The following CDH4 variants were observed in gnomAD, a reference collection of about 807,000 sequenced individuals.
CDH4 encodes the protein cadherin-4.
In CDH4, 33 loss-of-function variants were observed where a neutral mutation model predicts 86.0. The observed-to-expected ratio is 0.38, with a 90% CI of 0.29 to 0.51. The LOEUF (loss-of-function observed/expected upper bound fraction) is 0.51, where lower values mean the gene tolerates loss of function less well. Ranked by LOEUF, CDH4 falls within the 20% of genes least tolerant of loss-of-function variation. CDH4 has a pLI of 0.86. For missense variants in CDH4, 1,114 were observed against 1,307.4 expected (o/e 0.85, Z 2.28); for synonymous variants, 555 against 549.4 (o/e 1.01, Z -0.14).
intron 2 of CDH4, among the ~76,000 whole-genome samples, chr20:61,593,554 C>A (rs973858881): frequency 3.3e-5 from 5 of 152,194 alleles, no homozygotes; most frequent in African/African-American, 1.2e-4. Flanking sequence ...CAGGGGCGTG[C>A]AGCAGTGTCA....
At position 61,392,818 on chromosome 20, in the gene CDH4, A is replaced by T. The variant is rs2084993935; in HGVS notation, c.169+137881A>T. On this transcript the variant is annotated intron_variant, in intron 2 of 15. Transcript: ENST00000614565. This position sits in a 1 kb window ranked among gnomAD's most constrained non-coding sequence, Gnocchi z 5.7. Reference sequence around the variant, plus strand: ...AAACACTGGCCCCCCACGGTGCTCTAGAAATGTCAGATGCATTCGTCTTCC... The same window carrying T: ...AAACACTGGCCCCCCACGGTGCTCTTGAAATGTCAGATGCATTCGTCTTCC... Among the ~76,000 whole-genome samples the T allele has an allele frequency of 6.6e-6, 1 of 152,180 alleles. No individual in the cohort carries two copies. The highest frequency in any genetic ancestry group is 6.5e-5 in the Admixed American group (1 of 15,286).
chr20:61,522,008 C>T (rs2085872766), intron 2 of CDH4, among the ~76,000 whole-genome samples: 1 of 152,190 alleles, frequency 6.6e-6, no homozygotes, highest in South Asian at 2.1e-4. Context: ...ATGCATTTGC[C>T]AAGAGAGCGC....
chr20:61,664,501 C>T (rs1187869972), intron 2 of CDH4, among the ~76,000 whole-genome samples: 1 of 152,216 alleles, frequency 6.6e-6, no homozygotes. Context: ...CAGCAGCCTG[C>T]ATCAGCCGGG....
At chr20:61,905,294 A>G (rs924723796) in intron 8 of CDH4, among the ~76,000 whole-genome samples, 2 of 152,256 alleles carry the variant, frequency 1.3e-5, no homozygotes, top group African/African-American at 4.8e-5. Flanking sequence ...GTGAACCTTT[A>G]TTAAACTTGC....
intron 2 of CDH4, among the ~76,000 whole-genome samples, chr20:61,294,792 G>A (rs1021032488): frequency 1.3e-5 from 2 of 152,222 alleles, no homozygotes; most frequent in African/African-American, 4.8e-5. Flanking sequence ...TGTGAGGCCT[G>A]AGGACAGGCA....
intron 2 of CDH4, among the ~76,000 whole-genome samples, chr20:61,560,935 C>T (rs924388128): frequency 4.6e-5 from 7 of 152,322 alleles, no homozygotes; most frequent in East Asian, 3.9e-4. Context: ...CCGGGGTCAC[C>T]GCTGTGACCA....
chr20:61,873,653 C>G, intron 6 of CDH4, 75 bp from the exon 7 acceptor site: 2 of 1,492,096 alleles, frequency 1.3e-6, no homozygotes, highest in Admixed American at 3.6e-5. Flanking sequence ...GGTCGGGGGG[C>G]TCTGCCCAGG....
At chr20:61,844,872 A>G (rs562365847) in intron 5 of CDH4, 49 bp downstream of exon 5, 2 of 1,565,830 alleles carry the variant, frequency 1.3e-6, no homozygotes, top group South Asian at 1.2e-5. Flanking sequence ...TGGCGATCCC[A>G]GCCCTACCAG....
At chr20:61,587,413 G>A (rs1038847460) in intron 2 of CDH4, among the ~76,000 whole-genome samples, 5 of 152,182 alleles carry the variant, frequency 3.3e-5, no homozygotes, top group Admixed American at 2.0e-4. Flanking sequence ...ACAGCCTGCT[G>A]GATTTTAAAA....
At chr20:61,371,417 C>T (rs73308648) in intron 2 of CDH4, among the ~76,000 whole-genome samples, 3,299 of 152,334 alleles carry the variant, frequency 0.022, 113 homozygotes, top group African/African-American at 0.072. Flanking sequence ...ACGACTTGTC[C>T]CCGCAGGTAA....
rs529198040 is a variant in CDH4 at position 61,559,356 on chromosome 20, G to A, written c.170-184207G>A. 1.1e-4 allele frequency among the ~76,000 whole-genome samples: 16 copies of A among 152,058 alleles called. No homozygotes were observed. In the South Asian group the frequency reaches 3.1e-3, roughly 30 times the overall value. On this transcript the variant is annotated intron_variant, in intron 2 of 15. Transcript: ENST00000614565. ...AAATTTTTAAAAAGTATTGCTGCTC[G>A]TTGGAATGCTGATGGCCATCACTGG...
chr20:61,635,501 C>T (rs2086937185), intron 2 of CDH4, among the ~76,000 whole-genome samples: 1 of 152,186 alleles, frequency 6.6e-6, no homozygotes, highest in Non-Finnish European at 1.5e-5. Flanking sequence ...GGCAGACCTT[C>T]AGGGTCTCAG....
chr20:61,489,884 G>C (rs1229834762), intron 2 of CDH4, among the ~76,000 whole-genome samples: 1 of 152,140 alleles, frequency 6.6e-6, no homozygotes, highest in Non-Finnish European at 1.5e-5. Context: ...CATTATTTGG[G>C]GATGCTTCTG....
chr20:61,857,773 G>A (rs146207191), intron 6 of CDH4, among the ~76,000 whole-genome samples: 19 of 152,384 alleles, frequency 1.2e-4, no homozygotes, highest in African/African-American at 4.3e-4. Context: ...CTCCCCCAAG[G>A]GTGATATCTT....
intron 2 of CDH4, among the ~76,000 whole-genome samples, chr20:61,318,074 T>TG (rs1472922516): frequency 2.6e-5 from 4 of 152,272 alleles, no homozygotes; most frequent in African/African-American, 4.8e-5. Context: ...CCGTCCCGGC[T>TG]GGAGGGACAC....
At chr20:61,298,911 C>G (rs1471317000) in intron 2 of CDH4, among the ~76,000 whole-genome samples, 1 of 151,856 alleles carries the variant, frequency 6.6e-6, no homozygotes, top group African/African-American at 2.4e-5. Flanking sequence ...TAAAAATGCT[C>G]TAAAAGAACA....
chr20:61,917,191 T>C (rs966067298), intron 9 of CDH4, among the ~76,000 whole-genome samples: 1 of 152,298 alleles, frequency 6.6e-6, no homozygotes, highest in Middle Eastern at 3.4e-3. Flanking sequence ...GGATGAGGAA[T>C]GCGCCTTGCC....
intron 2 of CDH4, among the ~76,000 whole-genome samples, chr20:61,609,429 A>C (rs2086668320): frequency 6.6e-6 from 1 of 151,888 alleles, no homozygotes; most frequent in South Asian, 2.1e-4. Flanking sequence ...GATCTGCAGA[A>C]GGTTGTTTTT....
intron 2 of CDH4, among the ~76,000 whole-genome samples, chr20:61,673,276 C>G (rs949692425): frequency 1.3e-5 from 2 of 152,168 alleles, no homozygotes; most frequent in African/African-American, 4.8e-5. Flanking sequence ...CTCAGGACTT[C>G]GGAGCCCCTG....
Sources: gnomAD v4.1 joint callset for allele counts (sites outside exome capture counted in the v4.1 genomes callset) on GRCh38, gnomAD v4.1.1 for gene constraint, Gnocchi (gnomAD v3.1) non-coding constraint, MANE v1.5 for transcripts, NCBI Gene and HGNC (gene_info 2026-07-23, HGNC 2026-07-21) for gene names.